Variants in MSN observed in about 807,000 individuals in gnomAD.
MSN encodes moesin, also known as epididymis luminal protein 70.
MSN carries 2 observed loss-of-function variants against 48.0 expected under a neutral mutation model. That is an observed-to-expected ratio of 0.04 (90% CI 0.02 to 0.13). The LOEUF (loss-of-function observed/expected upper bound fraction) is 0.13, where lower values mean the gene tolerates loss of function less well. Ranked by LOEUF, MSN falls within the 10% of genes least tolerant of loss-of-function variation. The pLI is 1.00. For missense variants in MSN, 267 were observed against 470.1 expected (o/e 0.57, Z 3.99); for synonymous variants, 146 against 166.9 (o/e 0.87, Z 0.97).
intron 2 of MSN, among the ~76,000 whole-genome samples, chrX:65,723,998 G>A (rs930860441): frequency 1.8e-5 from 2 of 109,074 alleles, no homozygotes; most frequent in East Asian, 5.7e-4. Flanking sequence ...TGCTCAGAGA[G>A]ATCACCCTCC....
At chrX:65,620,116 TCAGA>T (rs1022018112) in intron 1 of MSN, among the ~76,000 whole-genome samples, 5 of 112,433 alleles carry the variant, frequency 4.4e-5, no homozygotes, top group African/African-American at 1.6e-4. Flanking sequence ...TTCAAAGCTG[TCAGA>T]CAGGGACATT....
At chrX:65,653,541 T>TG (rs1435373060) in intron 1 of MSN, among the ~76,000 whole-genome samples, 1 of 110,330 alleles carries the variant, frequency 9.1e-6, no homozygotes, top group African/African-American at 3.3e-5. Flanking sequence ...AGGAAGGGGC[T>TG]ACTATACATT....
intron 1 of MSN, among the ~76,000 whole-genome samples, chrX:65,685,786 G>A (rs760905152): frequency 4.5e-5 from 5 of 111,778 alleles, no homozygotes; most frequent in South Asian, 3.7e-4. Flanking sequence ...GGTTTTTGCC[G>A]TGTTGGCCAG....
At chrX:65,711,702 T>G (rs747854543) in intron 1 of MSN, among the ~76,000 whole-genome samples, 1 of 112,213 alleles carries the variant, frequency 8.9e-6, no homozygotes, top group Non-Finnish European at 1.9e-5. Context: ...ATATTGTATC[T>G]ACTTTATTTC....
At chrX:65,738,464 A>G in intron 10 of MSN, 61 bp from the exon 11 acceptor site, 1 of 1,067,989 alleles carries the variant, frequency 9.4e-7, no homozygotes, top group African/African-American at 1.8e-5. Flanking sequence ...CTTGGGTTGA[A>G]GACACCTGGG....
chrX:65,599,740 G>C (rs2070218224), intron 1 of MSN, among the ~76,000 whole-genome samples: 1 of 111,741 alleles, frequency 8.9e-6, no homozygotes, highest in African/African-American at 3.2e-5. Flanking sequence ...GACATGAATA[G>C]GCAGCTAAGC....
At chrX:65,628,216 C>T (rs1358916212) in intron 1 of MSN, among the ~76,000 whole-genome samples, 1 of 112,904 alleles carries the variant, frequency 8.9e-6, no homozygotes, top group Non-Finnish European at 1.9e-5. Context: ...GGGGCTCCAG[C>T]CCCACATTTC....
chrX:65,686,342 G>A (rs1272416339), intron 1 of MSN, among the ~76,000 whole-genome samples: 2 of 112,377 alleles, frequency 1.8e-5, no homozygotes, highest in East Asian at 2.8e-4. Flanking sequence ...TGGTGGGGCA[G>A]AGTTCTGCTT....
At chrX:65,731,233 G>A (rs1251254188) in intron 5 of MSN, 43 bp downstream of exon 5, 5 of 1,055,545 alleles carry the variant, frequency 4.7e-6, no homozygotes, top group Non-Finnish European at 5.2e-6. Flanking sequence ...TCCCTTACAG[G>A]GTGAATGAGA....
chrX:65,664,009 G>A (rs1022157119), upstream of MSN, among the ~76,000 whole-genome samples: 2 of 104,250 alleles, frequency 1.9e-5, no homozygotes, highest in Admixed American at 1.1e-4. Flanking sequence ...GAAGTGAGCC[G>A]AGATCACGCC....
At chrX:65,711,179 C>T (rs749045569) in intron 1 of MSN, among the ~76,000 whole-genome samples, 1 of 112,135 alleles carries the variant, frequency 8.9e-6, no homozygotes, top group African/African-American at 3.2e-5. Context: ...CGACCTCAGC[C>T]TCCCAAGTAG....
chrX:65,715,385 G>A (rs1019935786), intron 1 of MSN, among the ~76,000 whole-genome samples: 1 of 111,887 alleles, frequency 8.9e-6, no homozygotes, highest in Non-Finnish European at 1.9e-5. Flanking sequence ...GATAGGAATA[G>A]CATTGAGTCT....
At chrX:65,721,867 G>A (rs1328318830) in intron 2 of MSN, among the ~76,000 whole-genome samples, 1 of 111,723 alleles carries the variant, frequency 9.0e-6, no homozygotes, top group African/African-American at 3.3e-5. Context: ...AGGATCACTT[G>A]AGGCTAGGAG....
At chrX:65,724,280 G>C (rs1351471741) in intron 2 of MSN, among the ~76,000 whole-genome samples, 1 of 110,690 alleles carries the variant, frequency 9.0e-6, no homozygotes, top group Non-Finnish European at 1.9e-5. Flanking sequence ...AAGTAGCTGG[G>C]ATTACAGGCA....
chrX:65,729,518 G>T lies in MSN; in HGVS notation c.273G>T (p.Glu91Asp). ...AGTTCTACCCTGAGGATGTGTCCGA[G>T]GAATTGATTCAGGACATCACTCAGC... ...RAKFYPEDVS[E>D]ELIQDITQRL... Residue 91 changes from glutamate to aspartate, a missense_variant, in exon 4 of 13, where the codon GAG (glutamate) becomes GAT (aspartate). By Grantham distance (45) the Glu-to-Asp change is conservative. Coordinates refer to ENST00000360270, the MANE Select transcript of MSN (RefSeq NM_002444.3). The T allele has an allele frequency of 8.3e-7, 1 of 1,211,845 alleles. No individual in the cohort carries two copies. The highest frequency in any genetic ancestry group is 1.8e-5 in the South Asian group (1 of 56,986).
intron 1 of MSN, among the ~76,000 whole-genome samples, chrX:65,597,499 A>G (rs2070196639): frequency 9.1e-6 from 1 of 110,411 alleles, no homozygotes; most frequent in African/African-American, 3.3e-5. Flanking sequence ...GGCATGCAAC[A>G]CCATGCCCAG....
Position 65,618,978 on chromosome X carries a change from G to A in MSN, c.-22+30366G>A, listed in dbSNP as rs1280928565. Reference sequence around the variant, plus strand: ...TCCTTCACTTATGAAGCTTAGTTTGGCTGGATATGAAATTCTGGGTTGAAA... The same window carrying A: ...TCCTTCACTTATGAAGCTTAGTTTGACTGGATATGAAATTCTGGGTTGAAA... On this transcript the variant is annotated intron_variant, in intron 1 of 3. Coordinates refer to the MSN transcript ENST00000609672. Among the ~76,000 whole-genome samples the A allele has an allele frequency of 2.9e-3, 304 of 104,596 alleles. 2 individuals carry two copies. The highest frequency in any genetic ancestry group is 0.01 in the African/African-American group (297 of 28,539). 90.8% of individuals were successfully genotyped at this position (104,596 alleles called of 115,157 possible).
intron 1 of MSN, among the ~76,000 whole-genome samples, chrX:65,708,298 C>T (rs2071381661): frequency 8.9e-6 from 1 of 111,952 alleles, no homozygotes. Context: ...AAACATTTAT[C>T]ATTTCTTTTT....
intron 1 of MSN, among the ~76,000 whole-genome samples, chrX:65,636,856 C>T (rs2070606433): frequency 1.0e-5 from 1 of 95,815 alleles, no homozygotes; most frequent in Non-Finnish European, 2.1e-5. Flanking sequence ...CCGAGGCAGG[C>T]GGATCACGAG....
Sources: gnomAD v4.1 joint callset for allele counts (sites outside exome capture counted in the v4.1 genomes callset) on GRCh38, gnomAD v4.1.1 for gene constraint, MANE v1.5 for transcripts, NCBI Gene and HGNC (gene_info 2026-07-23, HGNC 2026-07-21) for gene names.